ZNF330: variants seen among roughly 807,000 people sequenced by gnomAD.
ZNF330 encodes the protein nucleolar atypical zinc finger.
In ZNF330, 31 loss-of-function variants were observed where a neutral mutation model predicts 45.5. The ratio of observed to expected loss-of-function variants is 0.68; its 90% CI spans 0.51 to 0.92. ZNF330 has a LOEUF of 0.92. Among genes scored for constraint, ZNF330 ranks in the 40% least tolerant of loss-of-function variants. ZNF330 has a pLI of 0.00. For missense variants in ZNF330, 356 were observed against 387.4 expected, an observed-to-expected ratio of 0.92 and a Z score of 0.68; for synonymous variants, 138 against 123.2, an observed-to-expected ratio of 1.12 and a Z score of -0.79.
At position 141,232,692 on chromosome 4, in the gene ZNF330, C is replaced by T. The variant is rs368144881; in HGVS notation, c.688+50C>T. On this transcript the variant is annotated intron_variant, in intron 9 of 9. Transcript: ENST00000262990. Reference sequence around the variant, plus strand: ...AGTGATTTTTGCTTTCATACTTAGACAAAGTTTATCTTTTTTTTTTTTGGT... The same window carrying T: ...AGTGATTTTTGCTTTCATACTTAGATAAAGTTTATCTTTTTTTTTTTTGGT... 5.8e-5 allele frequency: 55 copies of T among 944,644 alleles called. No individual in the cohort carries two copies. In the African/African-American group the frequency reaches 7.9e-4, roughly 14 times the overall value. The allele number at this position is 944,644 out of a possible 1,614,324, so 58.5% of individuals were successfully genotyped here. A position where few individuals can be genotyped will look rare whatever the true frequency, so the allele number is the denominator to read the frequency against.
At chr4:141,232,949 A>C (rs1728995332) in intron 9 of ZNF330, among the ~76,000 whole-genome samples, 1 of 152,028 alleles carries the variant, frequency 6.6e-6, no homozygotes, top group Admixed American at 6.6e-5. Context: ...TAAATAGTTG[A>C]GTAGCTATAA....
At chr4:141,231,824 C>T (rs1044713306) in intron 8 of ZNF330, among the ~76,000 whole-genome samples, 2 of 151,976 alleles carry the variant, frequency 1.3e-5, no homozygotes, top group Admixed American at 6.6e-5. Flanking sequence ...TAAAGATTTC[C>T]AAATTTTTCT....
At position 141,232,617 on chromosome 4, in the gene ZNF330, G is replaced by T; in HGVS notation, c.663G>T (p.Gln221His). Residue 221 changes from glutamine (Q) to histidine (H), a missense_variant, in exon 9 of 10, where the codon CAG becomes CAT. By Grantham distance (24) the Gln-to-His change is conservative. Coordinates refer to ENST00000262990, the MANE Select transcript of ZNF330 (RefSeq NM_014487.6). The stretch of plus-strand genomic sequence containing the variant: ...GTCCTAAATGTGGGCATGAAACTCA[G>T]GAGACTAAGGACCTTAGCATGTCAA... ...PPCPKCGHET[Q>H]ETKDLSMSTR... 6.3e-7 allele frequency: 1 copy of T among 1,586,532 alleles called. No homozygotes were observed. Among genetic ancestry groups the T allele is most frequent in the Non-Finnish European group, 8.6e-7 (1 of 1,166,832 alleles).
At chr4:141,233,610 T>G in intron 9 of ZNF330, 105 bp from the exon 10 acceptor site, 1 of 1,445,220 alleles carries the variant, frequency 6.9e-7, no homozygotes. Context: ...ATTTTTTCAT[T>G]TGGGATTGAA....
At chr4:141,229,038 T>G (rs1472809892) in intron 5 of ZNF330, among the ~76,000 whole-genome samples, 1 of 152,136 alleles carries the variant, frequency 6.6e-6, no homozygotes, top group East Asian at 1.9e-4. Flanking sequence ...CAAAGAAATG[T>G]AATTATTATT....
intron 8 of ZNF330, among the ~76,000 whole-genome samples, 183 bp from the exon 9 acceptor site, chr4:141,232,342 G>C (rs536475224): frequency 6.6e-6 from 1 of 152,182 alleles, no homozygotes; most frequent in Admixed American, 6.6e-5. Context: ...TTAGATCATT[G>C]TTCAGAAGGG....
Position 141,231,453 on chromosome 4 carries a change from C to T in ZNF330, c.538C>T (p.Arg180Trp), listed in dbSNP as rs1314527892. The change falls in exon 8 of 10, where the codon CGG becomes TGG. Residue 180 changes from arginine to tryptophan, a missense_variant. By Grantham distance (101) the Arg-to-Trp change is moderately radical. Transcript: ENST00000262990. Reference sequence around the variant, plus strand: ...ATTTCCCACAGGTGTTTCATGCAATCGGCTTGGTCAGCACTCATGTCTCCG... The same window carrying T: ...ATTTCCCACAGGTGTTTCATGCAATTGGCTTGGTCAGCACTCATGTCTCCG... ...AETFKCVSCN[R>W]LGQHSCLRCK... 20 of 1,597,228 alleles carry T rather than the reference C, an allele frequency of 1.3e-5. No homozygotes were observed. Among genetic ancestry groups the T allele is most frequent in the Non-Finnish European group, 1.7e-5 (20 of 1,173,842 alleles).
At chr4:141,223,196 T>C (rs1427123600) in intron 2 of ZNF330, among the ~76,000 whole-genome samples, 1 of 152,222 alleles carries the variant, frequency 6.6e-6, no homozygotes, top group Non-Finnish European at 1.5e-5. Flanking sequence ...TAGTGATACA[T>C]AGATGAATTA....
At chr4:141,225,652 G>A (rs148424419) in intron 4 of ZNF330, among the ~76,000 whole-genome samples, 81 of 152,162 alleles carry the variant, frequency 5.3e-4, no homozygotes, top group African/African-American at 1.8e-3. Flanking sequence ...TATTTCTAAT[G>A]TAGTTCTAGC....
chr4:141,232,944 A>T (rs1578815080), intron 9 of ZNF330, among the ~76,000 whole-genome samples: 1 of 152,030 alleles, frequency 6.6e-6, no homozygotes. Flanking sequence ...CTTGTTAAAT[A>T]GTTGAGTAGC....
chr4:141,233,630 G>A (rs899356408), intron 9 of ZNF330, 85 bp from the exon 10 acceptor site: 1 of 1,462,208 alleles, frequency 6.8e-7, no homozygotes, highest in Non-Finnish European at 9.0e-7. Context: ...AGCAGCCAAT[G>A]AAATCCATGA....
intron 5 of ZNF330, 67 bp from the exon 6 acceptor site, chr4:141,229,504 C>A: frequency 6.3e-7 from 1 of 1,594,926 alleles, no homozygotes; most frequent in Non-Finnish European, 8.6e-7. Flanking sequence ...TGATGGTTGC[C>A]GTGGTTAAAG....
chr4:141,222,554 A>G lies in ZNF330; in HGVS notation c.120+63A>G, dbSNP rs976625499. On this transcript the variant is annotated intron_variant, in intron 2 of 9. Coordinates refer to ENST00000262990, the MANE Select transcript of ZNF330 (RefSeq NM_014487.6). ...AACTATATACTATTTTATCTGACGT[A>G]TACCTGAATAAAATTTTAGTGAAGA... 3.3e-6 allele frequency: 5 copies of G among 1,523,084 alleles called. No individual in the cohort carries two copies. The East Asian group carries it at 1.1e-4, about 35-fold the overall frequency. 94.3% of individuals were successfully genotyped at this position (1,523,084 alleles called of 1,614,324 possible). A position where few individuals can be genotyped will look rare whatever the true frequency, so the allele number is the denominator to read the frequency against.
intron 2 of ZNF330, chr4:141,222,781 G>T: frequency 5.2e-6 from 1 of 193,268 alleles, no homozygotes; most frequent in Non-Finnish European, 1.1e-5. Context: ...TAATGCCTTA[G>T]TCTTATTGGG....
At position 141,226,250 on chromosome 4, in the gene ZNF330, C is replaced by T. The variant is rs887358032; in HGVS notation, c.212-517C>T. 7.1e-4 allele frequency among the ~76,000 whole-genome samples: 108 copies of T among 151,932 alleles called. 2 individuals carry two copies. The highest frequency in any genetic ancestry group is 2.5e-3 in the African/African-American group (102 of 41,438). Reference sequence around the variant, plus strand: ...TGGGAAAATGTTTAACTGGGGGCTTCGTTGTAAATTTTTATGTTTGGATAA... The same window carrying T: ...TGGGAAAATGTTTAACTGGGGGCTTTGTTGTAAATTTTTATGTTTGGATAA... On this transcript the variant is annotated intron_variant, in intron 4 of 9. Transcript: ENST00000262990.
chr4:141,226,900 C>T, intron 5 of ZNF330, 54 bp downstream of exon 5: 4 of 1,384,764 alleles, frequency 2.9e-6, no homozygotes, highest in Non-Finnish European at 4.0e-6. Context: ...AAGAAAATGT[C>T]ATTCTGATCA....
chr4:141,223,142 T>C (rs1292361716), intron 2 of ZNF330, among the ~76,000 whole-genome samples: 2 of 152,218 alleles, frequency 1.3e-5, no homozygotes, highest in African/African-American at 4.8e-5. Flanking sequence ...CAAACGTTTA[T>C]TGTGCATCTA....
intron 2 of ZNF330, among the ~76,000 whole-genome samples, chr4:141,224,257 T>C (rs1024334784): frequency 1.3e-5 from 2 of 152,200 alleles, no homozygotes; most frequent in Non-Finnish European, 2.9e-5. Context: ...GTATTTAGCC[T>C]CCTTTGTGAT....
At chr4:141,228,628 A>C (rs995488648) in intron 5 of ZNF330, among the ~76,000 whole-genome samples, 6 of 152,010 alleles carry the variant, frequency 3.9e-5, no homozygotes, top group African/African-American at 1.4e-4. Context: ...TCTTTTTTGC[A>C]AGAACCCTGG....
Sources: gnomAD v4.1 joint callset for allele counts (sites outside exome capture counted in the v4.1 genomes callset) on GRCh38, gnomAD v4.1.1 for gene constraint, MANE v1.5 for transcripts, NCBI Gene and HGNC (gene_info 2026-07-23, HGNC 2026-07-21) for gene names.